The following IL4R variants were observed in gnomAD, a reference collection of about 807,000 sequenced individuals.
IL4R encodes the protein interleukin 4 receptor.
A neutral mutation model predicts 41.5 loss-of-function variants in IL4R; 17 were observed. That is an observed-to-expected ratio of 0.41 (90% CI 0.28 to 0.61). The LOEUF (loss-of-function observed/expected upper bound fraction) is 0.61, where lower values mean the gene tolerates loss of function less well. IL4R is among the 20% of genes least tolerant of loss of function. IL4R has a pLI of 0.31. For synonymous variants in IL4R, 402 were observed against 422.9 expected, an observed-to-expected ratio of 0.95 and a Z score of 0.61; for missense variants, 974 against 1,043.1, an observed-to-expected ratio of 0.93 and a Z score of 0.91.
intron 10 of IL4R, chr16:27,361,123 CCA>C (rs1409129044): frequency 9.8e-7 from 1 of 1,022,880 alleles, no homozygotes; most frequent in East Asian, 3.9e-5. Flanking sequence ...CGGCAAATAG[CCA>C]CTATCCTGAA....
intron 2 of IL4R, among the ~76,000 whole-genome samples, chr16:27,335,449 C>A (rs1465019400): frequency 6.6e-6 from 1 of 152,050 alleles, no homozygotes; most frequent in Non-Finnish European, 1.5e-5. Context: ...CTCACTGCAG[C>A]CTCCAACTCC....
At chr16:27,342,781 G>T (rs183156614) in intron 4 of IL4R, among the ~76,000 whole-genome samples, 2 of 151,938 alleles carry the variant, frequency 1.3e-5, no homozygotes, top group African/African-American at 4.8e-5. Context: ...AGCGTGAGCC[G>T]CTGTATCCGG....
At chr16:27,354,262 T>C (rs1363843213) in intron 7 of IL4R, 1 of 152,202 alleles carries the variant, frequency 6.6e-6, no homozygotes, top group African/African-American at 2.4e-5. Flanking sequence ...CCAAGTGATA[T>C]CTCTTCCCTT....
intron 1 of IL4R, among the ~76,000 whole-genome samples, chr16:27,328,789 G>T (rs1164505304): frequency 1.3e-5 from 2 of 152,204 alleles, no homozygotes; most frequent in Non-Finnish European, 2.9e-5. Context: ...TATTGAGGTG[G>T]CTATTTCACA....
chr16:27,363,355 C>T lies in IL4R; in HGVS notation c.2003C>T (p.Ser668Leu). 6.2e-7 allele frequency: 1 copy of T among 1,614,116 alleles called. No individual in the cohort carries two copies. The highest frequency in any genetic ancestry group is 8.5e-7 in the Non-Finnish European group (1 of 1,180,004). ...GAGCCACCTCGCAGTCCGCAGAGCT[C>T]ACATCTCCCAAGCAGCTCCCCAGAG... ...DREPPRSPQS[S>L]HLPSSSPEHL... The change falls in exon 11 of 11, where the codon TCA becomes TTA. Residue 668 changes from serine to leucine, a missense_variant. Ser to Leu is a moderately radical substitution (Grantham distance 145, BLOSUM62 -2). Transcript: ENST00000395762.
chr16:27,325,481 G>A (rs1284223339), intron 1 of IL4R, among the ~76,000 whole-genome samples: 1 of 151,900 alleles, frequency 6.6e-6, no homozygotes, highest in African/African-American at 2.4e-5. Flanking sequence ...GACTGAGGCA[G>A]GAGAACTACT....
At chr16:27,349,010 G>A (rs183685838) in intron 6 of IL4R, among the ~76,000 whole-genome samples, 1 of 152,320 alleles carries the variant, frequency 6.6e-6, no homozygotes, top group African/African-American at 2.4e-5. Context: ...CCAGGTCTGA[G>A]GCAGAAGAAT....
chr16:27,315,848 C>T (rs952713118), intron 1 of IL4R, among the ~76,000 whole-genome samples: 6 of 152,128 alleles, frequency 3.9e-5, no homozygotes, highest in Non-Finnish European at 5.9e-5. Flanking sequence ...TGGAGGGAGA[C>T]GCTGGGGAGG....
chr16:27,360,944 C>T (rs1253906032), intron 10 of IL4R, 129 bp downstream of exon 10: 7 of 1,576,198 alleles, frequency 4.4e-6, no homozygotes, highest in Admixed American at 1.8e-5. Context: ...CATTAGCCTT[C>T]AAGGGACGGC....
At chr16:27,347,311 C>G (rs2085685510) in intron 6 of IL4R, among the ~76,000 whole-genome samples, 1 of 152,190 alleles carries the variant, frequency 6.6e-6, no homozygotes, top group African/African-American at 2.4e-5. Flanking sequence ...CTGCCTCAGC[C>G]TCCTGAGCAG....
intron 7 of IL4R, chr16:27,354,039 G>A (rs1361691914): frequency 6.6e-6 from 1 of 152,104 alleles, no homozygotes; most frequent in East Asian, 1.9e-4. Flanking sequence ...CCCGGAAGTG[G>A]GCCGCATCAC....
intron 9 of IL4R, 64 bp downstream of exon 9, chr16:27,359,058 C>T: frequency 1.6e-6 from 2 of 1,280,516 alleles, no homozygotes; most frequent in Non-Finnish European, 2.3e-6. Flanking sequence ...GTTCAGAACA[C>T]CTGGGCTGTT....
chr16:27,325,166 C>T (rs537497404), intron 1 of IL4R, among the ~76,000 whole-genome samples: 1 of 151,026 alleles, frequency 6.6e-6, no homozygotes, highest in South Asian at 2.1e-4. Context: ...CTCCCCCTTG[C>T]TCCAGCCAAG....
At chr16:27,346,143 G>C (rs1392551922) in intron 5 of IL4R, among the ~76,000 whole-genome samples, 2 of 151,542 alleles carry the variant, frequency 1.3e-5, no homozygotes, top group African/African-American at 2.4e-5. Flanking sequence ...CAGATCACTT[G>C]AGCCCTGGGC....
chr16:27,359,019 ATGTGGGAC>A, intron 9 of IL4R, 25 bp downstream of exon 9: 10 of 1,561,876 alleles, frequency 6.4e-6, no homozygotes, highest in Non-Finnish European at 8.8e-6. Flanking sequence ...GGATGAGGAC[ATGTGGGAC>A]TGTGTACATG....
At chr16:27,317,430 C>T (rs1478865759) in intron 1 of IL4R, among the ~76,000 whole-genome samples, 1 of 152,094 alleles carries the variant, frequency 6.6e-6, no homozygotes, top group Non-Finnish European at 1.5e-5. Context: ...TTCCTCCTGG[C>T]TGGCACAGTG....
At chr16:27,340,092 T>C (rs1014531503) in intron 2 of IL4R, 94 bp from the exon 3 acceptor site, 65 of 765,478 alleles carry the variant, frequency 8.5e-5, no homozygotes, top group Middle Eastern at 3.7e-4. Flanking sequence ...AACAAACAAA[T>C]AAATGGCCAG....
chr16:27,358,557 CCT>C lies in IL4R; in HGVS notation c.771-352_771-351del, dbSNP rs1429041667. On this transcript the variant is annotated intron_variant, in intron 8 of 10. Transcript: ENST00000395762. ...GGGATTGTTGAGGGGAACCTAGAATCCTCTCTCTGCAGTTTGAGTCTTTCCTA... is the reference window on the plus strand; with the variant it reads ...GGGATTGTTGAGGGGAACCTAGAATCCTCTCTGCAGTTTGAGTCTTTCCTA... Among the ~76,000 whole-genome samples, 3 of 152,312 alleles carry C rather than the reference CCT, an allele frequency of 2.0e-5. No individual in the cohort carries two copies. The East Asian group carries it at 5.8e-4, about 29-fold the overall frequency.
At position 27,344,996 on chromosome 16, in the gene IL4R, G is replaced by C; in HGVS notation, c.337G>C (p.Gly113Arg). 1 of 1,613,786 alleles carries C rather than the reference G, an allele frequency of 6.2e-7. No homozygotes were observed. The highest frequency in any genetic ancestry group is 1.1e-5 in the South Asian group (1 of 91,080). The change falls in exon 5 of 11, where the codon GGC becomes CGC. Residue 113 changes from glycine to arginine, a missense_variant. Gly to Arg is a moderately radical substitution (Grantham distance 125). This residue lies in a region of IL4R where 284 missense variants were observed against 313.4 expected (regional missense o/e 0.91). Coordinates refer to ENST00000395762, the MANE Select transcript of IL4R (RefSeq NM_000418.4). Reference protein sequence around the residue: ...LWAGQQLLWKGSFKPSEHVKP... With the variant: ...LWAGQQLLWKRSFKPSEHVKP... ...GGCTGGGCAGCAGCTGCTGTGGAAG[G>C]GCTCCTTCAAGCCCAGCGAGCATGG...
Sources: allele counts gnomAD v4.1 joint callset (sites outside exome capture counted in the v4.1 genomes callset), GRCh38; gene constraint gnomAD v4.1.1; regional missense constraint gnomAD v4.1.1; transcripts MANE v1.5; gene names NCBI Gene and HGNC (gene_info 2026-07-23, HGNC 2026-07-21).